The following NANOS3 variants were observed in gnomAD, a reference collection of about 807,000 sequenced individuals.
NANOS3 encodes the protein nanos C2HC-type zinc finger 3.
A neutral mutation model predicts 13.8 loss-of-function variants in NANOS3; 11 were observed. The ratio of observed to expected loss-of-function variants is 0.80; its 90% CI spans 0.50 to 1.32. The LOEUF (loss-of-function observed/expected upper bound fraction) is 1.32, where lower values mean the gene tolerates loss of function less well. Among genes scored for constraint, NANOS3 ranks in the 40% most tolerant of loss-of-function variants. NANOS3 has a pLI of 0.00. For synonymous variants in NANOS3, 119 were observed against 115.4 expected, an observed-to-expected ratio of 1.03 and a Z score of -0.20; for missense variants, 221 against 263.8, an observed-to-expected ratio of 0.84 and a Z score of 1.12.
chr19:13,865,462 G>T (rs1191072080), intron 1 of NANOS3: 1 of 146,068 alleles, frequency 6.8e-6, no homozygotes, highest in African/African-American at 2.5e-5. Context: ...CGGGCGGGCC[G>T]GGGGCACGGG....
upstream of NANOS3, among the ~76,000 whole-genome samples, chr19:13,872,750 C>A (rs150286923): frequency 2.6e-5 from 4 of 152,226 alleles, no homozygotes; most frequent in Admixed American, 2.0e-4. Context: ...CAGGCCCCCC[C>A]ACTCCACAGC....
intron 1 of NANOS3, among the ~76,000 whole-genome samples, chr19:13,879,895 A>C (rs1040204241): frequency 6.6e-6 from 1 of 152,030 alleles, no homozygotes; most frequent in Non-Finnish European, 1.5e-5. Context: ...GCATGGTGGC[A>C]TGCGCCTGTA....
chr19:13,878,139 G>A (rs1193089504), intron 1 of NANOS3, among the ~76,000 whole-genome samples: 1 of 152,078 alleles, frequency 6.6e-6, no homozygotes, highest in Admixed American at 6.6e-5. Flanking sequence ...ATGTTGGCCA[G>A]GCTGGTCTCA....
chr19:13,876,287 C>T (rs1208929564), upstream of NANOS3, among the ~76,000 whole-genome samples: 2 of 149,718 alleles, frequency 1.3e-5, no homozygotes, highest in Admixed American at 6.6e-5. Context: ...CACAGGCACC[C>T]GCCACCATGC....
upstream of NANOS3, among the ~76,000 whole-genome samples, chr19:13,862,857 C>T (rs1383042686): frequency 2.0e-5 from 3 of 152,208 alleles, no homozygotes; most frequent in African/African-American, 4.8e-5. Flanking sequence ...CTCTTACAGG[C>T]GGTACCACCT....
At chr19:13,864,679 C>G (rs1001195584), upstream of NANOS3, among the ~76,000 whole-genome samples, 4 of 152,032 alleles carry the variant, frequency 2.6e-5, no homozygotes, top group East Asian at 7.7e-4. Flanking sequence ...CTGTGATCTC[C>G]TGCGTGTCCG....
upstream of NANOS3, among the ~76,000 whole-genome samples, chr19:13,864,228 G>A (rs913774853): frequency 6.6e-6 from 1 of 152,096 alleles, no homozygotes; most frequent in Non-Finnish European, 1.5e-5. Context: ...GATGTCTGGG[G>A]AGGAGTACCG....
intron 1 of NANOS3, 49 bp from the exon 2 acceptor site, chr19:13,880,393 T>C (rs1453871492): frequency 1.3e-6 from 2 of 1,579,032 alleles, no homozygotes; most frequent in African/African-American, 2.7e-5. Flanking sequence ...TTGGGGAGCG[T>C]TGAGTCATCG....
Position 13,877,767 on chromosome 19 carries a change from T to G in NANOS3, c.517+2T>G, listed in dbSNP as rs779485958. 2 of 1,552,542 alleles carry G rather than the reference T, an allele frequency of 1.3e-6. No homozygotes were observed. Among genetic ancestry groups the G allele is most frequent in the African/African-American group, 2.8e-5 (2 of 72,418 alleles). On this transcript the variant is annotated splice_donor_variant, in intron 1 of 1. Transcript: ENST00000339133. LOFTEE classifies it high-confidence loss of function. Reference sequence around the variant, plus strand: ...GCCGAGGAGGAGGAGGAGGAGCAGGTGCCTGCACAGGTGGCTGGGGGGGAC... The same window carrying G: ...GCCGAGGAGGAGGAGGAGGAGCAGGGGCCTGCACAGGTGGCTGGGGGGGAC...
chr19:13,868,924 C>G (rs899735310), intron 1 of NANOS3, among the ~76,000 whole-genome samples: 3 of 152,056 alleles, frequency 2.0e-5, no homozygotes, highest in Non-Finnish European at 4.4e-5. Context: ...CAGGAACTTA[C>G]ACACACACGC....
At chr19:13,878,377 T>A (rs1038790570) in intron 1 of NANOS3, among the ~76,000 whole-genome samples, 2 of 148,440 alleles carry the variant, frequency 1.3e-5, no homozygotes, top group Admixed American at 1.3e-4. Flanking sequence ...AAGCTGAGAT[T>A]ACAGGCGCCT....
rs144569615 is a variant in NANOS3, at chr19:13,879,112, G to C, written c.518-1330G>C. 3.9e-3 allele frequency among the ~76,000 whole-genome samples: 593 copies of C among 151,910 alleles called. 3 individuals carry two copies. Among genetic ancestry groups the C allele is most frequent in the African/African-American group, 0.014 (567 of 41,428 alleles). On this transcript the variant is annotated intron_variant, in intron 1 of 1. Transcript: ENST00000339133. ...CCACCACCACGCACGGCTAATTTTT[G>C]TATTTTTAGTACAGACGGGATTTCA...
upstream of NANOS3, among the ~76,000 whole-genome samples, chr19:13,876,118 G>A (rs1013232505): frequency 2.0e-5 from 3 of 152,160 alleles, no homozygotes; most frequent in African/African-American, 7.2e-5. Context: ...GTAACTAGAA[G>A]AAGGAGGCAG....
intron 1 of NANOS3, among the ~76,000 whole-genome samples, chr19:13,878,205 G>A (rs539061710): frequency 6.6e-6 from 1 of 151,220 alleles, no homozygotes; most frequent in South Asian, 2.1e-4. Context: ...TGAGATTACA[G>A]GCGTGAGCAC....
upstream of NANOS3, chr19:13,875,030 C>T (rs773507394): frequency 2.2e-6 from 1 of 447,470 alleles, no homozygotes; most frequent in Non-Finnish European, 4.6e-6. Context: ...GGACCCCCCA[C>T]CGCCACAGTC....
chr19:13,877,845 C>T, intron 1 of NANOS3, 80 bp downstream of exon 1: 2 of 1,476,214 alleles, frequency 1.4e-6, no homozygotes, highest in South Asian at 1.3e-5. Flanking sequence ...AGCCCCAGTA[C>T]CCACCTCCAA....
chr19:13,863,017 T>C (rs1302599658), upstream of NANOS3, among the ~76,000 whole-genome samples: 1 of 152,248 alleles, frequency 6.6e-6, no homozygotes, highest in African/African-American at 2.4e-5. Context: ...GGGAGAACTC[T>C]ACCCTGGGCC....
At chr19:13,879,518 T>C (rs1968584891) in intron 1 of NANOS3, among the ~76,000 whole-genome samples, 1 of 152,148 alleles carries the variant, frequency 6.6e-6, no homozygotes, top group East Asian at 1.9e-4. Context: ...GGAGGATCGC[T>C]TGAGCCCAAG....
At chr19:13,865,946 A>G (rs1976232082) in intron 1 of NANOS3, among the ~76,000 whole-genome samples, 1 of 151,892 alleles carries the variant, frequency 6.6e-6, no homozygotes, top group African/African-American at 2.4e-5. Context: ...GCGTTCGTGA[A>G]GGCTGCTCCG....
Sources: gnomAD v4.1 joint callset for allele counts (sites outside exome capture counted in the v4.1 genomes callset) on GRCh38, gnomAD v4.1.1 for gene constraint, MANE v1.5 for transcripts, NCBI Gene and HGNC (gene_info 2026-07-23, HGNC 2026-07-21) for gene names.